The following FAM83F variants were observed in gnomAD, a reference collection of about 807,000 sequenced individuals.
FAM83F encodes the protein protein FAM83F.
Under a neutral mutation model 42.9 loss-of-function variants are expected in FAM83F, and 45 were observed. That is an observed-to-expected ratio of 1.05 (90% CI 0.83 to 1.35). The LOEUF is 1.35. Ranked by LOEUF, FAM83F falls within the 40% of genes most tolerant of loss-of-function variation. The pLI, the probability that FAM83F is intolerant of heterozygous loss-of-function variation, is 0.00. For synonymous variants in FAM83F, 306 were observed against 298.3 expected (o/e 1.03, Z -0.27); for missense variants, 617 against 695.9 (o/e 0.89, Z 1.28).
In FAM83F at chr22:40,021,842, T is replaced by TCGC. The variant is rs1208305081; in HGVS notation, c.1335_1337dup (p.Arg446dup). On this transcript the variant is annotated inframe_insertion, in exon 4 of 5. Coordinates refer to ENST00000333407, the MANE Select transcript of FAM83F (RefSeq NM_138435.4). The surrounding 1 kb of genome is among the most constrained non-coding windows in gnomAD (Gnocchi z 8.7). Reference sequence around the variant, plus strand: ...GGCGCTTCAGCAGCAGGCTCTTCAGTCGCCGAGCCAAGAGGCCTGCGGCGC... The same window carrying TCGC: ...GGCGCTTCAGCAGCAGGCTCTTCAGTCGCCGCCGAGCCAAGAGGCCTGCGGCGC... 1.9e-6 allele frequency: 3 copies of TCGC among 1,612,514 alleles called. No individual in the cohort carries two copies. The highest frequency in any genetic ancestry group is 1.7e-6 in the Non-Finnish European group (2 of 1,179,634).
In FAM83F at chr22:40,021,402, G is replaced by A; in HGVS notation, c.892G>A (p.Val298Met). Residue 298 changes from valine (V) to methionine (M), a missense_variant, in exon 4 of 5, where the codon GTG becomes ATG. By Grantham distance (21) the Val-to-Met change is conservative (BLOSUM62 1). Transcript: ENST00000333407. This position sits in a 1 kb window ranked among gnomAD's most constrained non-coding sequence, Gnocchi z 8.7. ...FRELYAISEE[V>M]DLYRQLSLAG... ...GGAGCTGTACGCCATCTCCGAGGAG[G>A]TGGACTTGTACCGGCAGCTGAGCCT... 3 of 1,613,726 alleles carry A rather than the reference G, an allele frequency of 1.9e-6. No individual in the cohort carries two copies. The highest frequency in any genetic ancestry group is 2.5e-6 in the Non-Finnish European group (3 of 1,179,736).
chr22:39,998,815 G>A (rs961971971), intron 1 of FAM83F: 1 of 152,092 alleles, frequency 6.6e-6, no homozygotes, highest in South Asian at 2.1e-4. Context: ...GCATCTTTAG[G>A]GACCCAAAAA....
intron 1 of FAM83F, among the ~76,000 whole-genome samples, chr22:39,996,781 T>C (rs1033580063): frequency 7.2e-5 from 11 of 152,330 alleles, no homozygotes; most frequent in Middle Eastern, 6.8e-3. Flanking sequence ...GGGTTAACTT[T>C]CCACTGCGCA....
At position 40,040,703 on chromosome 22, in the gene FAM83F, G is replaced by C. The variant is rs571502927; in HGVS notation, c.*11138G>C. 1 of 152,348 alleles carries C rather than the reference G, an allele frequency of 6.6e-6. No individual in the cohort carries two copies. Among genetic ancestry groups the C allele is most frequent in the African/African-American group, 2.4e-5 (1 of 41,556 alleles). The allele number at this position is 152,348 out of a possible 1,614,324, so 9.4% of individuals were successfully genotyped here. ...TCAGCCCTCTTTAGAGAGTTTCCCT[G>C]CCTCATTGCTCTTGGTCTTTGGCAA... On this transcript the variant is annotated 3_prime_UTR_variant, in exon 5 of 5. Coordinates refer to ENST00000333407, the MANE Select transcript of FAM83F (RefSeq NM_138435.4).
chr22:40,011,305 C>A (rs531293065), intron 1 of FAM83F, among the ~76,000 whole-genome samples: 7 of 152,302 alleles, frequency 4.6e-5, no homozygotes, highest in African/African-American at 1.7e-4. Context: ...CATTCTCCTG[C>A]CTCAGCCTCC....
chr22:40,015,280 T>G (rs1183884900), intron 1 of FAM83F, among the ~76,000 whole-genome samples: 2 of 152,210 alleles, frequency 1.3e-5, no homozygotes, highest in Non-Finnish European at 2.9e-5. Flanking sequence ...TCAGTCTTTC[T>G]TCTACTAAGG....
chr22:40,024,577 A>G (rs963612197), intron 4 of FAM83F, among the ~76,000 whole-genome samples: 1 of 152,360 alleles, frequency 6.6e-6, no homozygotes, highest in South Asian at 2.1e-4. Flanking sequence ...AATTCGGGAC[A>G]CATTGCTCCC....
chr22:40,027,434 C>T (rs892817427), intron 4 of FAM83F, among the ~76,000 whole-genome samples: 3 of 152,158 alleles, frequency 2.0e-5, no homozygotes, highest in East Asian at 1.9e-4. Flanking sequence ...CACATGGCTC[C>T]GCTCCGCTGA....
At chr22:40,020,090 C>T (rs1601770173) in intron 3 of FAM83F, 82 bp downstream of exon 3, 1 of 1,526,034 alleles carries the variant, frequency 6.6e-7, no homozygotes, top group Non-Finnish European at 8.8e-7. Context: ...CCGGAGCCTC[C>T]GTCATCATGA....
rs1356916544 is a variant in FAM83F, at chr22:40,032,590, CAG to C, written c.*3028_*3029del. The C allele has an allele frequency of 2.7e-5, 4 of 147,306 alleles. No homozygotes were observed. Among genetic ancestry groups the C allele is most frequent in the South Asian group, 4.3e-4 (2 of 4,672 alleles). 9.1% of individuals were successfully genotyped at this position (147,306 alleles called of 1,614,324 possible). A position where few individuals can be genotyped will look rare whatever the true frequency, so the allele number is the denominator to read the frequency against. The stretch of plus-strand genomic sequence containing the variant: ...TTTTTTTTCTTTTTTTTTTCTGAGA[CAG>C]AGTCTCACCCTGTTGCCCAGGCTGG... On this transcript the variant is annotated 3_prime_UTR_variant, in exon 5 of 5. Transcript: ENST00000333407.
intron 1 of FAM83F, among the ~76,000 whole-genome samples, chr22:40,011,470 T>C (rs1285062929): frequency 6.6e-6 from 1 of 152,140 alleles, no homozygotes; most frequent in Non-Finnish European, 1.5e-5. Flanking sequence ...TATCTATCAG[T>C]GCTCCTGATA....
chr22:39,997,762 T>C (rs1410754077), intron 1 of FAM83F: 1 of 152,174 alleles, frequency 6.6e-6, no homozygotes, highest in Non-Finnish European at 1.5e-5. Context: ...TGGGGCCTGG[T>C]TTGGGGACCC....
Position 39,995,818 on chromosome 22 carries a change from CT to C in FAM83F, c.489+288del, listed in dbSNP as rs1388846624. On this transcript the variant is annotated intron_variant, in intron 1 of 4. Coordinates refer to ENST00000333407, the MANE Select transcript of FAM83F (RefSeq NM_138435.4). This position sits in a 1 kb window ranked among gnomAD's most constrained non-coding sequence, Gnocchi z 4.6. ...TCTGAAACTTCCCTGTCCAGCCTTCCTCCCCAGGGAAGACTGGGGGCCGAGG... is the reference window on the plus strand; with the variant it reads ...TCTGAAACTTCCCTGTCCAGCCTTCCCCCCAGGGAAGACTGGGGGCCGAGG... Among the ~76,000 whole-genome samples, 1 of 152,222 alleles carries C rather than the reference CT, an allele frequency of 6.6e-6. No individual in the cohort carries two copies. Among genetic ancestry groups the C allele is most frequent in the Non-Finnish European group, 1.5e-5 (1 of 68,032 alleles).
intron 1 of FAM83F, among the ~76,000 whole-genome samples, chr22:40,017,100 G>A (rs1480519174): frequency 1.3e-5 from 2 of 152,160 alleles, no homozygotes; most frequent in Non-Finnish European, 2.9e-5. Flanking sequence ...ATGGTATTGT[G>A]TAGGGCAGGG....
intron 1 of FAM83F, among the ~76,000 whole-genome samples, chr22:40,006,780 G>C (rs1349554649): frequency 6.6e-6 from 1 of 152,194 alleles, no homozygotes; most frequent in Non-Finnish European, 1.5e-5. Context: ...TGAGTGGGCA[G>C]GGAAACGGGG....
At chr22:40,020,540 T>C (rs1002147847) in intron 3 of FAM83F, among the ~76,000 whole-genome samples, 1 of 151,872 alleles carries the variant, frequency 6.6e-6, no homozygotes, top group Non-Finnish European at 1.5e-5. Context: ...TTTTTGTATT[T>C]TTAGTAGAGA....
chr22:40,012,000 C>T (rs954432590), intron 1 of FAM83F, among the ~76,000 whole-genome samples: 1 of 148,926 alleles, frequency 6.7e-6, no homozygotes, highest in Non-Finnish European at 1.5e-5. Context: ...TGACAACGGT[C>T]CCCTTTCCTC....
At chr22:39,996,900 G>C (rs1287282925) in intron 1 of FAM83F, among the ~76,000 whole-genome samples, 1 of 152,198 alleles carries the variant, frequency 6.6e-6, no homozygotes, top group African/African-American at 2.4e-5. Context: ...AGGGAAAAAG[G>C]ATGTAGGCGG....
chr22:40,008,980 C>T (rs1057514169), intron 1 of FAM83F, among the ~76,000 whole-genome samples: 2 of 152,208 alleles, frequency 1.3e-5, no homozygotes, highest in African/African-American at 2.4e-5. Flanking sequence ...AGCAGTTTGA[C>T]CTGTTTGCTC....
Sources: allele counts gnomAD v4.1 joint callset (sites outside exome capture counted in the v4.1 genomes callset), GRCh38; gene constraint gnomAD v4.1.1; non-coding constraint Gnocchi (gnomAD v3.1); transcripts MANE v1.5; gene names NCBI Gene and HGNC (gene_info 2026-07-23, HGNC 2026-07-21).